GNB1L: variants seen among roughly 807,000 people sequenced by gnomAD.
GNB1L encodes the protein G protein subunit beta 1 like.
In GNB1L, 20 loss-of-function variants were observed where a neutral mutation model predicts 29.1. The ratio of observed to expected loss-of-function variants is 0.69; its 90% CI spans 0.48 to 1.00. The LOEUF (loss-of-function observed/expected upper bound fraction) is 1.00. GNB1L is among the 50% of genes least tolerant of loss of function. The probability of loss-of-function intolerance (pLI) is 0.00; values close to 1 mark genes in which losing one functional copy is unlikely to be tolerated. For missense variants in GNB1L, 421 were observed against 464.9 expected, an observed-to-expected ratio of 0.91 and a Z score of 0.87; for synonymous variants, 193 against 206.5, an observed-to-expected ratio of 0.93 and a Z score of 0.56.
intron 2 of GNB1L, among the ~76,000 whole-genome samples, chr22:19,835,606 G>A (rs967795729): frequency 2.1e-4 from 32 of 151,876 alleles, no homozygotes; most frequent in African/African-American, 6.5e-4. Flanking sequence ...CCCAGCTGGC[G>A]GAGGTTGCAG....
At chr22:19,808,827 C>T (rs1230690039) in intron 5 of GNB1L, among the ~76,000 whole-genome samples, 4 of 152,322 alleles carry the variant, frequency 2.6e-5, no homozygotes, top group African/African-American at 7.2e-5. Flanking sequence ...CCTCTGTGAT[C>T]CCAGCTAAGG....
intron 6 of GNB1L, among the ~76,000 whole-genome samples, chr22:19,803,231 A>G (rs2145868752): frequency 6.6e-6 from 1 of 152,372 alleles, no homozygotes; most frequent in East Asian, 1.9e-4. Flanking sequence ...ACCCGAGGCC[A>G]GAGCTGGTCC....
At chr22:19,846,350 T>A (rs1014303891) in intron 2 of GNB1L, 68 of 892,940 alleles carry the variant, frequency 7.6e-5, no homozygotes, top group Non-Finnish European at 8.6e-5. Context: ...ACCCCCCAGG[T>A]AGGGAAAGAT....
At chr22:19,832,720 C>T (rs1937700441) in intron 2 of GNB1L, among the ~76,000 whole-genome samples, 3 of 152,010 alleles carry the variant, frequency 2.0e-5, no homozygotes, top group African/African-American at 7.2e-5. Flanking sequence ...TCAGGGGAAC[C>T]AAGGAAAGGG....
In GNB1L at chr22:19,839,376, C is replaced by G. The variant is rs186558280; in HGVS notation, c.-21+15067G>C. Among the ~76,000 whole-genome samples, 10 of 152,122 alleles carry G rather than the reference C, an allele frequency of 6.6e-5. No homozygotes were observed. The East Asian group carries it at 1.9e-3, about 29-fold the overall frequency. On this transcript the variant is annotated intron_variant, in intron 2 of 7. Transcript: ENST00000329517. The stretch of plus-strand genomic sequence containing the variant: ...AAGACCCCCAGTGGATGCCTAAAAC[C>G]ATGAATAGTTCTGAACCCTATATAC...
intron 2 of GNB1L, among the ~76,000 whole-genome samples, chr22:19,838,063 C>G (rs376902548): frequency 6.6e-6 from 1 of 152,234 alleles, no homozygotes; most frequent in African/African-American, 2.4e-5. Flanking sequence ...GCGTCACAGA[C>G]GCCGCACTTG....
chr22:19,852,234 CCTG>C lies in GNB1L; in HGVS notation c.-21+2206_-21+2208del, dbSNP rs549013869. 6.2e-4 allele frequency: 1,004 copies of C among 1,610,672 alleles called. 8 individuals carry two copies. In the African/African-American group the frequency reaches 0.012, roughly 19 times the overall value. ...GCTGCCCAGATGGGAATGCGAGGGC[CCTG>C]CTGACGGCACCGGCCACGAGGCATG... On this transcript the variant is annotated intron_variant, in intron 2 of 7. Coordinates refer to ENST00000329517, the MANE Select transcript of GNB1L (RefSeq NM_053004.3).
rs146171013 is a variant in GNB1L at position 19,821,698 on chromosome 22, G to A, written c.-20-323C>T. On this transcript the variant is annotated intron_variant, in intron 2 of 7. Transcript: ENST00000329517. The stretch of plus-strand genomic sequence containing the variant: ...GCCTCTGCACCTGACTGGTGCACCC[G>A]CTTGGGCCCCACCTGAGCCATCCCT... 2.3e-3 allele frequency among the ~76,000 whole-genome samples: 347 copies of A among 152,262 alleles called. 2 individuals are homozygous for A. The highest frequency in any genetic ancestry group is 7.7e-3 in the African/African-American group (320 of 41,548).
At chr22:19,801,886 T>C in intron 7 of GNB1L, 115 bp downstream of exon 7, 3 of 897,786 alleles carry the variant, frequency 3.3e-6, no homozygotes, top group Non-Finnish European at 5.0e-6. Context: ...CGCCTCCAAG[T>C]GATTAATTAG....
At chr22:19,798,542 G>C (rs1937332905) in intron 7 of GNB1L, among the ~76,000 whole-genome samples, 1 of 152,190 alleles carries the variant, frequency 6.6e-6, no homozygotes, top group Non-Finnish European at 1.5e-5. Flanking sequence ...CCACAGGCGT[G>C]TGGGGAGGTT....
intron 2 of GNB1L, among the ~76,000 whole-genome samples, chr22:19,828,777 G>A (rs1937641545): frequency 1.3e-5 from 2 of 151,452 alleles, no homozygotes; most frequent in African/African-American, 4.8e-5. Flanking sequence ...GACAGGAGAT[G>A]CAGAGTCACA....
intron 2 of GNB1L, among the ~76,000 whole-genome samples, chr22:19,843,123 G>A (rs760131826): frequency 3.9e-5 from 6 of 152,182 alleles, no homozygotes; most frequent in Non-Finnish European, 8.8e-5. Context: ...GCACCGGGCT[G>A]GTAATCTGAC....
At chr22:19,820,754 G>A in intron 3 of GNB1L, 31 bp from the exon 4 acceptor site, 1 of 1,593,322 alleles carries the variant, frequency 6.3e-7, no homozygotes, top group Non-Finnish European at 8.6e-7. Context: ...AGGGTGTCAG[G>A]GGGCAGAAGG....
At chr22:19,844,251 C>A (rs1937915195) in intron 2 of GNB1L, among the ~76,000 whole-genome samples, 1 of 152,248 alleles carries the variant, frequency 6.6e-6, no homozygotes. Context: ...CGTTCCCGAG[C>A]AGAGACAAGC....
At chr22:19,798,871 C>T (rs1268164310) in intron 7 of GNB1L, among the ~76,000 whole-genome samples, 3 of 152,230 alleles carry the variant, frequency 2.0e-5, no homozygotes, top group Non-Finnish European at 4.4e-5. Context: ...CTGGTCCTGG[C>T]CCTGCAGTGA....
At chr22:19,840,007 T>A (rs1487535234) in intron 2 of GNB1L, among the ~76,000 whole-genome samples, 1 of 151,364 alleles carries the variant, frequency 6.6e-6, no homozygotes, top group Non-Finnish European at 1.5e-5. Context: ...GAGACTGCAG[T>A]GAGCTATGCT....
chr22:19,819,032 C>G (rs768334868), intron 4 of GNB1L, among the ~76,000 whole-genome samples: 32 of 152,192 alleles, frequency 2.1e-4, no homozygotes, highest in Non-Finnish European at 3.5e-4. Context: ...GTCTCAGCCC[C>G]ATCACCTCCA....
At position 19,787,772 on chromosome 22, in the gene GNB1L, G is replaced by A. The variant is rs1306780004; in HGVS notation, c.*937C>T. 2.0e-5 allele frequency: 3 copies of A among 152,412 alleles called. No individual in the cohort carries two copies. The highest frequency in any genetic ancestry group is 2.1e-4 in the South Asian group (1 of 4,838). 9.4% of individuals were successfully genotyped at this position (152,412 alleles called of 1,614,324 possible). A position where few individuals can be genotyped will look rare whatever the true frequency, so the allele number is the denominator to read the frequency against. On this transcript the variant is annotated 3_prime_UTR_variant, in exon 8 of 8. Coordinates refer to ENST00000329517, the MANE Select transcript of GNB1L (RefSeq NM_053004.3). Reference sequence around the variant, plus strand: ...GCCCCACTCCAATATTCAGGGTCATGGTTCTTTCCCAATCAACACCCGCTT... The same window carrying A: ...GCCCCACTCCAATATTCAGGGTCATAGTTCTTTCCCAATCAACACCCGCTT...
intron 5 of GNB1L, among the ~76,000 whole-genome samples, chr22:19,807,459 G>C (rs1052518299): frequency 2.6e-5 from 4 of 151,888 alleles, no homozygotes; most frequent in African/African-American, 9.7e-5. Context: ...AACTGGGGAG[G>C]CTCAGCCAGC....
Sources: gnomAD v4.1 joint callset for allele counts (sites outside exome capture counted in the v4.1 genomes callset) on GRCh38, gnomAD v4.1.1 for gene constraint, MANE v1.5 for transcripts, NCBI Gene and HGNC (gene_info 2026-07-23, HGNC 2026-07-21) for gene names.